Variants in PRUNE2 observed in about 807,000 individuals in gnomAD.
The protein encoded by PRUNE2 is prune homolog 2 with BCH domain, also known as protein prune homolog 2.
PRUNE2 carries 164 observed loss-of-function variants against 252.0 expected under a neutral mutation model. The observed-to-expected ratio is 0.65, with a 90% confidence interval of 0.57 to 0.74. The LOEUF (loss-of-function observed/expected upper bound fraction) is 0.74. Ranked by LOEUF, PRUNE2 falls within the 30% of genes least tolerant of loss-of-function variation. The pLI is 0.00. For synonymous variants in PRUNE2, 1,292 were observed against 1,350.2 expected (o/e 0.96, Z 0.94); for missense variants, 3,495 against 3,711.0 (o/e 0.94, Z 1.51).
At chr9:76,893,310 G>A (rs1281073764) in intron 1 of PRUNE2, among the ~76,000 whole-genome samples, 1 of 152,138 alleles carries the variant, frequency 6.6e-6, no homozygotes, top group Admixed American at 6.6e-5. Flanking sequence ...CAGTGTAAAG[G>A]TCTGTGATTC....
chr9:76,800,084 G>A (rs1357081922), intron 6 of PRUNE2, among the ~76,000 whole-genome samples: 4 of 151,968 alleles, frequency 2.6e-5, no homozygotes, highest in Admixed American at 6.6e-5. Flanking sequence ...AAGTTCTAGG[G>A]TACATGTGCA....
At chr9:76,902,870 G>A (rs1002639409) in intron 1 of PRUNE2, among the ~76,000 whole-genome samples, 2 of 152,194 alleles carry the variant, frequency 1.3e-5, no homozygotes, top group African/African-American at 2.4e-5. Flanking sequence ...GTATTCTCAG[G>A]AGGGAGGGAA....
At chr9:76,891,024 G>A (rs2062440263) in intron 1 of PRUNE2, among the ~76,000 whole-genome samples, 1 of 152,246 alleles carries the variant, frequency 6.6e-6, no homozygotes. Flanking sequence ...TAGCAATCAT[G>A]TTGCCTTTGT....
At position 76,612,546 on chromosome 9, in the gene PRUNE2, G is replaced by A. The variant is rs940006985; in HGVS notation, c.*2024C>T. 6.6e-6 allele frequency: 1 copy of A among 152,220 alleles called. No individual in the cohort carries two copies. Among genetic ancestry groups the A allele is most frequent in the African/African-American group, 2.4e-5 (1 of 41,430 alleles). 9.4% of individuals were successfully genotyped at this position (152,220 alleles called of 1,614,324 possible). A position where few individuals can be genotyped will look rare whatever the true frequency, so the allele number is the denominator to read the frequency against. On this transcript the variant is annotated 3_prime_UTR_variant, in exon 19 of 19. Coordinates refer to ENST00000376718, the MANE Select transcript of PRUNE2 (RefSeq NM_015225.3). ...TACGTCAACACTGTGTTCTGGGAGA[G>A]GTGTAATTTGGGCTTTCAAAAGTGG...
chr9:76,649,146 A>G (rs1261782072), intron 11 of PRUNE2, among the ~76,000 whole-genome samples: 1 of 152,228 alleles, frequency 6.6e-6, no homozygotes, highest in Non-Finnish European at 1.5e-5. Flanking sequence ...AAAGTTCATT[A>G]ATTTTTAAAA....
intron 6 of PRUNE2, chr9:76,784,525 T>G (rs192316440): frequency 6.6e-6 from 1 of 152,390 alleles, no homozygotes; most frequent in African/African-American, 2.4e-5. Context: ...TTGTAATATC[T>G]GATCTCTACG....
chr9:76,855,226 T>C (rs2060191975), intron 1 of PRUNE2, among the ~76,000 whole-genome samples: 5 of 151,866 alleles, frequency 3.3e-5, no homozygotes, highest in African/African-American at 4.8e-5. Flanking sequence ...CTGCTTCTAG[T>C]AAATGTCATA....
intron 6 of PRUNE2, among the ~76,000 whole-genome samples, chr9:76,746,896 G>A (rs1280538405): frequency 2.6e-5 from 4 of 152,118 alleles, no homozygotes; most frequent in Non-Finnish European, 4.4e-5. Flanking sequence ...CACATCCTTT[G>A]TAGCGTCCTT....
intron 6 of PRUNE2, among the ~76,000 whole-genome samples, chr9:76,795,251 C>CCTT (rs71354680): frequency 0.14 from 21,119 of 151,956 alleles, 2,972 homozygotes; most frequent in African/African-American, 0.36. Flanking sequence ...AGCAGATCTG[C>CCTT]CTTCTAGATA....
intron 4 of PRUNE2, among the ~76,000 whole-genome samples, chr9:76,832,559 A>C (rs994738505): frequency 6.6e-6 from 1 of 152,144 alleles, no homozygotes; most frequent in Non-Finnish European, 1.5e-5. Context: ...ATGACACTTT[A>C]AATTGTGAGA....
At chr9:76,619,244 A>G in intron 18 of PRUNE2, 96 bp downstream of exon 18, 2 of 789,832 alleles carry the variant, frequency 2.5e-6, no homozygotes, top group Non-Finnish European at 4.3e-6. Flanking sequence ...GAACATCTAA[A>G]CAGGGTTTAC....
At chr9:76,638,466 C>T (rs936061920) in intron 12 of PRUNE2, among the ~76,000 whole-genome samples, 178 bp from the exon 13 acceptor site, 1 of 152,122 alleles carries the variant, frequency 6.6e-6, no homozygotes, top group Non-Finnish European at 1.5e-5. Context: ...AGTTATCTTT[C>T]AGTGGTTAAC....
intron 6 of PRUNE2, among the ~76,000 whole-genome samples, chr9:76,770,984 C>T (rs2053037231): frequency 6.6e-6 from 1 of 152,090 alleles, no homozygotes; most frequent in Non-Finnish European, 1.5e-5. Flanking sequence ...GACACTGTAA[C>T]ACTTACTAAA....
intron 6 of PRUNE2, among the ~76,000 whole-genome samples, chr9:76,771,227 A>G (rs1437721624): frequency 6.6e-6 from 1 of 152,182 alleles, no homozygotes; most frequent in African/African-American, 2.4e-5. Flanking sequence ...GATCAAATAT[A>G]TGTTTTTGCA....
chr9:76,679,483 T>C lies in PRUNE2; in HGVS notation c.8276+23854A>G, dbSNP rs1387926446. Among the ~76,000 whole-genome samples the C allele has an allele frequency of 2.6e-5, 4 of 152,266 alleles. No individual in the cohort carries two copies. In the East Asian group the frequency reaches 5.8e-4, roughly 22 times the overall value. On this transcript the variant is annotated intron_variant, in intron 9 of 18. Transcript: ENST00000376718. Reference sequence around the variant, plus strand: ...CAAAGCTACAGTAATCAAAACAGTATAGTACTGGCATAAACACTGATATAG... The same window carrying C: ...CAAAGCTACAGTAATCAAAACAGTACAGTACTGGCATAAACACTGATATAG...
At chr9:76,882,397 T>G (rs150606199) in intron 1 of PRUNE2, among the ~76,000 whole-genome samples, 24 of 152,350 alleles carry the variant, frequency 1.6e-4, no homozygotes, top group African/African-American at 5.5e-4. Context: ...AAATATGTGT[T>G]TGCACACTGT....
At chr9:76,766,146 G>A (rs1381558060) in intron 6 of PRUNE2, among the ~76,000 whole-genome samples, 1 of 148,558 alleles carries the variant, frequency 6.7e-6, no homozygotes. Flanking sequence ...TTGCGCCACT[G>A]CACTCTAGCC....
intron 3 of PRUNE2, among the ~76,000 whole-genome samples, chr9:76,849,257 T>C (rs2059825485): frequency 6.6e-6 from 1 of 152,130 alleles, no homozygotes; most frequent in Non-Finnish European, 1.5e-5. Context: ...GAGTTTCAAG[T>C]TTCTTGTCCG....
chr9:76,728,544 C>T (rs1364863005), intron 6 of PRUNE2, among the ~76,000 whole-genome samples: 2 of 152,188 alleles, frequency 1.3e-5, no homozygotes, highest in Non-Finnish European at 2.9e-5. Flanking sequence ...ATAGTTTCTA[C>T]ATCAGTGATT....
Sources: gnomAD v4.1 joint callset for allele counts (sites outside exome capture counted in the v4.1 genomes callset) on GRCh38, gnomAD v4.1.1 for gene constraint, MANE v1.5 for transcripts, NCBI Gene and HGNC (gene_info 2026-07-23, HGNC 2026-07-21) for gene names.